Variants in DDX11 observed in about 807,000 individuals in gnomAD.
The protein encoded by DDX11 is ATP-dependent DNA helicase DDX11.
Under a neutral mutation model 125.2 loss-of-function variants are expected in DDX11, and 72 were observed. The ratio of observed to expected loss-of-function variants is 0.58; its 90% CI spans 0.48 to 0.70. DDX11 has a LOEUF of 0.70. DDX11 is among the 30% of genes least tolerant of loss of function. The pLI is 0.00. For synonymous variants in DDX11, 347 were observed against 452.6 expected, an observed-to-expected ratio of 0.77 and a Z score of 2.96; for missense variants, 883 against 1,165.0, an observed-to-expected ratio of 0.76 and a Z score of 3.52.
At chr12:31,098,419 C>T (rs1214584869) in intron 18 of DDX11, among the ~76,000 whole-genome samples, 5 of 152,294 alleles carry the variant, frequency 3.3e-5, no homozygotes, top group African/African-American at 1.2e-4. Context: ...GGAACTTGCT[C>T]TTTTCACTCA....
At chr12:31,082,677 C>T (rs1015628021) in intron 2 of DDX11, among the ~76,000 whole-genome samples, 110 of 151,822 alleles carry the variant, frequency 7.2e-4, no homozygotes, top group Non-Finnish European at 1.3e-3. Flanking sequence ...CCTTGTGGCG[C>T]TCCCTGAAGG....
In DDX11 at chr12:31,091,809, G is replaced by A. The variant is rs765068084; in HGVS notation, c.1180G>A (p.Glu394Lys). The A allele has an allele frequency of 1.8e-5, 29 of 1,613,746 alleles. No homozygotes were observed. Among genetic ancestry groups the A allele is most frequent in the African/African-American group, 5.3e-5 (4 of 74,934 alleles). ...GCAGGACCAGGTGGTGATCATCGAC[G>A]AGGCGCACAACCTGATCGACACCAT... ...RLQDQVVIID[E>K]AHNLIDTITG... Residue 394 changes from glutamate (E) to lysine (K), a missense_variant, in exon 10 of 27, where the codon GAG becomes AAG. By Grantham distance (56) the Glu-to-Lys change is moderately conservative. Transcript: ENST00000542838.
Position 31,078,757 on chromosome 12 carries a change from G to C in DDX11, c.144+220G>C, listed in dbSNP as rs553596338. ...GGCCAGAGTGCAGTGGGACGATCTC[G>C]GCTCACTGCAAGCTCCGCCTCCCGG... On this transcript the variant is annotated intron_variant, in intron 2 of 26. Coordinates refer to ENST00000542838, the MANE Select transcript of DDX11 (RefSeq NM_030653.4). Among the ~76,000 whole-genome samples, 191 of 149,886 alleles carry C rather than the reference G, an allele frequency of 1.3e-3. 1 individual carries two copies. Among genetic ancestry groups the C allele is most frequent in the African/African-American group, 4.6e-3 (188 of 40,706 alleles).
At position 31,101,101 on chromosome 12, in the gene DDX11, A is replaced by G; in HGVS notation, c.2023A>G (p.Thr675Ala). ...GATCTCCAACCAGCCGCTGGAATTC[A>G]CGTTCCAGAAAAGAGAGCTGCCTCA... Reference protein sequence around the residue: ...SGISNQPLEFTFQKRELPQMM... With the variant: ...SGISNQPLEFAFQKRELPQMM... The change falls in exon 20 of 27, where the codon ACG (threonine) becomes GCG (alanine). Residue 675 changes from threonine (T) to alanine (A), a missense_variant. This residue lies in a region of DDX11 where 285 missense variants were observed against 346.0 expected (regional missense o/e 0.82). Transcript: ENST00000542838. The G allele has an allele frequency of 6.2e-7, 1 of 1,614,142 alleles. No homozygotes were observed.
intron 8 of DDX11, 176 bp downstream of exon 8, chr12:31,089,666 G>C: frequency 4.5e-6 from 5 of 1,112,274 alleles, no homozygotes; most frequent in Non-Finnish European, 5.3e-6. Context: ...GTCAGTGTCT[G>C]GTCCGAATCC....
intron 8 of DDX11, 179 bp downstream of exon 8, chr12:31,089,669 C>T (rs1449902479): frequency 1.8e-6 from 2 of 1,136,138 alleles, no homozygotes; most frequent in Non-Finnish European, 2.6e-6. Flanking sequence ...AGTGTCTGGT[C>T]CGAATCCTTG....
intron 13 of DDX11, 22 bp downstream of exon 13, chr12:31,094,656 G>T: frequency 6.4e-7 from 1 of 1,557,206 alleles, no homozygotes; most frequent in Non-Finnish European, 8.7e-7. Flanking sequence ...GCCCTCAGAG[G>T]GCCCAGAGCT....
At chr12:31,078,323 C>A (rs750154502) in intron 1 of DDX11, 67 bp from the exon 2 acceptor site, 1 of 1,609,908 alleles carries the variant, frequency 6.2e-7, no homozygotes, top group East Asian at 2.2e-5. Flanking sequence ...AAATAATGCT[C>A]CAGATTTCAA....
rs1946666865 is a variant in DDX11, at chr12:31,103,027, G to A, written c.2457+7G>A. The stretch of plus-strand genomic sequence containing the variant: ...CTACTTGGATCAAACCCTCGTGAGT[G>A]ACCCCAGTGTCACAGAGGGTGACAG... On this transcript the variant is annotated splice_region_variant and intron_variant, in intron 24 of 26. Transcript: ENST00000542838. 6.2e-7 allele frequency: 1 copy of A among 1,613,364 alleles called. No homozygotes were observed. The highest frequency in any genetic ancestry group is 1.7e-5 in the Admixed American group (1 of 60,022).
rs776815284 is a variant in DDX11, at chr12:31,096,947, C to T, written c.1719C>T (p.Leu573=). 4 of 1,614,072 alleles carry T rather than the reference C, an allele frequency of 2.5e-6. No homozygotes were observed. Among genetic ancestry groups the T allele is most frequent in the Middle Eastern group, 1.6e-4 (1 of 6,062 alleles). Residue 573 remains leucine, a synonymous_variant, in exon 17 of 27, where the codon CTC becomes CTT. Transcript: ENST00000542838. The part of the protein sequence containing the change: ...LMHIQGFLAA[L]TTANQDGRVI... The stretch of plus-strand genomic sequence containing the variant: ...ACATCCAAGGCTTCCTGGCAGCTCT[C>T]ACTACGGCCAACCAGGACGGCAGGG...
intron 5 of DDX11, among the ~76,000 whole-genome samples, chr12:31,086,994 G>A (rs1478234564): frequency 7.3e-6 from 1 of 136,224 alleles, no homozygotes; most frequent in African/African-American, 3.0e-5. Flanking sequence ...AAGGAATTTC[G>A]AGGTGAACAA....
chr12:31,100,970 A>G (rs953289894), intron 19 of DDX11, 57 bp from the exon 20 acceptor site: 3 of 1,465,814 alleles, frequency 2.0e-6, no homozygotes, highest in Non-Finnish European at 9.6e-7. Flanking sequence ...CCCTCTCTGC[A>G]GTGTCTTGCA....
chr12:31,089,524 G>T (rs1943792668), intron 8 of DDX11, 34 bp downstream of exon 8: 1 of 1,598,320 alleles, frequency 6.3e-7, no homozygotes, highest in South Asian at 1.1e-5. Context: ...GCCGCAGGTG[G>T]TCTGGAGAGA....
chr12:31,099,919 G>T (rs886409126), intron 18 of DDX11, among the ~76,000 whole-genome samples: 10 of 152,110 alleles, frequency 6.6e-5, no homozygotes. Flanking sequence ...GCAAAAACGT[G>T]TCTTCATTTT....
intron 2 of DDX11, among the ~76,000 whole-genome samples, chr12:31,083,216 G>A (rs552775905): frequency 6.6e-6 from 1 of 151,868 alleles, no homozygotes; most frequent in African/African-American, 2.4e-5. Flanking sequence ...CCAGAGAACT[G>A]TGTGAGCCCA....
In DDX11 at chr12:31,084,604, C is replaced by A; in HGVS notation, c.415C>A (p.Gln139Lys). The A allele has an allele frequency of 3.1e-6, 5 of 1,598,538 alleles. No homozygotes were observed. The highest frequency in any genetic ancestry group is 3.4e-6 in the Non-Finnish European group (4 of 1,171,334). Residue 139 changes from glutamine to lysine, a missense_variant, in exon 4 of 27, where the codon CAG becomes AAG. Coordinates refer to ENST00000542838, the MANE Select transcript of DDX11 (RefSeq NM_030653.4). ...RLKAEQARRKQREERLQQLQH... is the reference protein window; with the variant it reads ...RLKAEQARRKKREERLQQLQH... Reference sequence around the variant, plus strand: ...GTAGGCGGAGCAGGCCAGGAGGAAGCAGCGAGAAGAACGCCTGCAGCAGCT... The same window carrying A: ...GTAGGCGGAGCAGGCCAGGAGGAAGAAGCGAGAAGAACGCCTGCAGCAGCT...
intron 18 of DDX11, among the ~76,000 whole-genome samples, chr12:31,098,785 A>T (rs555838301): frequency 6.6e-6 from 1 of 152,218 alleles, no homozygotes; most frequent in African/African-American, 2.4e-5. Flanking sequence ...TGTTTACAGT[A>T]ATTATTGTTT....
chr12:31,093,273 T>G lies in DDX11; in HGVS notation c.1318T>G (p.Tyr440Asp). The change falls in exon 12 of 27, where the codon TAC (tyrosine) becomes GAC (aspartate). Residue 440 changes from tyrosine (Y) to aspartate (D), a missense_variant. Tyr to Asp is a radical substitution (Grantham distance 160, BLOSUM62 -3). Transcript: ENST00000542838. ...GKRLKAKNLM[Y>D]LKQILYLLEK... The stretch of plus-strand genomic sequence containing the variant: ...GCGTTTGAAGGCCAAGAACCTGATG[T>G]ACCTGAAGCAGATCCTGTATTTGCT... 1.2e-6 allele frequency: 2 copies of G among 1,613,450 alleles called. No individual in the cohort carries two copies. The highest frequency in any genetic ancestry group is 1.7e-6 in the Non-Finnish European group (2 of 1,179,652).
chr12:31,083,255 G>A (rs1419303253), intron 2 of DDX11, among the ~76,000 whole-genome samples: 2 of 150,142 alleles, frequency 1.3e-5, no homozygotes, highest in African/African-American at 4.9e-5. Context: ...GGGCAACATA[G>A]CAAGACCTCC....
Sources: allele counts gnomAD v4.1 joint callset (sites outside exome capture counted in the v4.1 genomes callset), GRCh38; gene constraint gnomAD v4.1.1; regional missense constraint gnomAD v4.1.1; transcripts MANE v1.5; gene names NCBI Gene and HGNC (gene_info 2026-07-23, HGNC 2026-07-21).